SLC22A25: variants seen among roughly 807,000 people sequenced by gnomAD.
SLC22A25 encodes the protein MGI:2442751, MGI:2385316, MGI:3042283, MGI:3645714, MGI:3605624, MGI:2442750.
A neutral mutation model predicts 45.9 loss-of-function variants in SLC22A25; 44 were observed. The ratio of observed to expected loss-of-function variants is 0.96; its 90% CI spans 0.75 to 1.23. The LOEUF is 1.23. Ranked by LOEUF, SLC22A25 falls within the 50% of genes most tolerant of loss-of-function variation. The pLI is 0.00. For synonymous variants in SLC22A25, 283 were observed against 238.6 expected (o/e 1.19, Z -1.72); for missense variants, 800 against 666.4 (o/e 1.20, Z -2.21).
intron 11 of SLC22A25, 33 bp from the exon 12 acceptor site, chr11:63,164,106 G>A: frequency 6.5e-7 from 1 of 1,535,960 alleles, no homozygotes; most frequent in Non-Finnish European, 8.7e-7. Flanking sequence ...AGGAAAAGTT[G>A]TTAAAAATCA....
intron 1 of SLC22A25, among the ~76,000 whole-genome samples, chr11:63,242,503 C>T (rs2090265918): frequency 6.6e-6 from 1 of 152,132 alleles, no homozygotes; most frequent in African/African-American, 2.4e-5. Flanking sequence ...CTTGGCATGC[C>T]TTTTTAGGTC....
At chr11:63,187,994 G>T (rs1161698674) in intron 7 of SLC22A25, among the ~76,000 whole-genome samples, 1 of 152,154 alleles carries the variant, frequency 6.6e-6, no homozygotes, top group Non-Finnish European at 1.5e-5. Context: ...AGGGATATTG[G>T]TCTAAAATTC....
intron 7 of SLC22A25, among the ~76,000 whole-genome samples, chr11:63,202,320 AG>A (rs993805593): frequency 7.9e-5 from 12 of 151,912 alleles, no homozygotes; most frequent in Non-Finnish European, 1.3e-4. Context: ...TCCCCTGTAA[AG>A]GGGGCACTGA....
At chr11:63,209,719 C>T (rs925160418) in intron 7 of SLC22A25, among the ~76,000 whole-genome samples, 4 of 152,268 alleles carry the variant, frequency 2.6e-5, no homozygotes, top group African/African-American at 9.6e-5. Context: ...AAACAGCACA[C>T]CCCTTCCTAT....
At chr11:63,211,204 C>A (rs1477624670) in intron 7 of SLC22A25, among the ~76,000 whole-genome samples, 1 of 152,232 alleles carries the variant, frequency 6.6e-6, no homozygotes. Context: ...TCCGTCAATA[C>A]CCACTACCTA....
At chr11:63,237,670 C>T (rs1336218356) in intron 3 of SLC22A25, among the ~76,000 whole-genome samples, 2 of 152,168 alleles carry the variant, frequency 1.3e-5, no homozygotes, top group Non-Finnish European at 2.9e-5. Flanking sequence ...CACCAGATTT[C>T]CAAACCCTGA....
intron 9 of SLC22A25, among the ~76,000 whole-genome samples, chr11:63,179,367 C>T (rs1446787150): frequency 6.6e-6 from 1 of 152,118 alleles, no homozygotes; most frequent in South Asian, 2.1e-4. Context: ...GGTATCTATA[C>T]ATTTGAAGAA....
Position 63,169,985 on chromosome 11 carries a change from C to A in SLC22A25, c.1071-3727G>T, listed in dbSNP as rs1292746396. 3.3e-5 allele frequency among the ~76,000 whole-genome samples: 5 copies of A among 152,200 alleles called. No individual in the cohort carries two copies. In the South Asian group the frequency reaches 6.2e-4, roughly 19 times the overall value. On this transcript the variant is annotated intron_variant, in intron 9 of 11. Coordinates refer to ENST00000306494, the MANE Select transcript of SLC22A25 (RefSeq NM_199352.6). ...CAAGTCTCTCAGACCACAGTGCAATCAAATTAGAACTCAGGATTAAGAAAC... is the reference window on the plus strand; with the variant it reads ...CAAGTCTCTCAGACCACAGTGCAATAAAATTAGAACTCAGGATTAAGAAAC...
chr11:63,213,378 G>A (rs954806973), intron 7 of SLC22A25, among the ~76,000 whole-genome samples: 7 of 152,178 alleles, frequency 4.6e-5, no homozygotes, highest in African/African-American at 1.7e-4. Context: ...GAATGGCAGT[G>A]GGAGTCTTAA....
At chr11:63,210,131 T>G (rs56030503) in intron 7 of SLC22A25, among the ~76,000 whole-genome samples, 60,979 of 151,818 alleles carry the variant, frequency 0.4, 12,565 homozygotes, top group East Asian at 0.56. Flanking sequence ...TTCCAGAGGC[T>G]CCTGAAAACC....
At chr11:63,185,368 A>T (rs995939378) in intron 7 of SLC22A25, among the ~76,000 whole-genome samples, 1 of 151,354 alleles carries the variant, frequency 6.6e-6, no homozygotes, top group Non-Finnish European at 1.5e-5. Context: ...ATTCCCACCT[A>T]TGAGTGAGAA....
intron 7 of SLC22A25, among the ~76,000 whole-genome samples, chr11:63,201,851 G>A (rs1389684675): frequency 6.6e-6 from 1 of 152,118 alleles, no homozygotes; most frequent in African/African-American, 2.4e-5. Context: ...AGGGGTGGCT[G>A]GCAAGATGGC....
rs2087556264 is a variant in SLC22A25, at chr11:63,162,736, A to G, written c.*1088T>C. Among the ~76,000 whole-genome samples the G allele has an allele frequency of 6.6e-6, 1 of 152,196 alleles. No homozygotes were observed. ...GATTTTCTTCAAACTTCTTATGATTATTTGTAGATATTTTATATTTAACCA... is the reference window on the plus strand; with the variant it reads ...GATTTTCTTCAAACTTCTTATGATTGTTTGTAGATATTTTATATTTAACCA... On this transcript the variant is annotated 3_prime_UTR_variant, in exon 12 of 12. Transcript: ENST00000306494.
chr11:63,227,350 G>A (rs981243576), intron 5 of SLC22A25, among the ~76,000 whole-genome samples: 33 of 152,204 alleles, frequency 2.2e-4, no homozygotes, highest in African/African-American at 7.5e-4. Context: ...GGGATATTTA[G>A]TTAGCAGGTA....
chr11:63,166,610 A>G, intron 9 of SLC22A25: 1 of 1,026,526 alleles, frequency 9.7e-7, no homozygotes, highest in Non-Finnish European at 1.2e-6. Context: ...ATATACAATT[A>G]AAAATAAAAA....
chr11:63,188,188 G>A (rs181098288), intron 7 of SLC22A25, among the ~76,000 whole-genome samples: 21 of 152,184 alleles, frequency 1.4e-4, no homozygotes, highest in Admixed American at 9.8e-4. Context: ...ACTTTTTTTG[G>A]TTGGTAAGCT....
chr11:63,232,442 A>G lies in SLC22A25; in HGVS notation c.-444-2346T>C, dbSNP rs368384722. On this transcript the variant is annotated intron_variant, in intron 3 of 11. Coordinates refer to ENST00000306494, the MANE Select transcript of SLC22A25 (RefSeq NM_199352.6). Reference sequence around the variant, plus strand: ...TGATTCGGCTCTCTGTTTGTCTGCTATTGGTGTATAAGAATGCTTGTGATT... The same window carrying G: ...TGATTCGGCTCTCTGTTTGTCTGCTGTTGGTGTATAAGAATGCTTGTGATT... Among the ~76,000 whole-genome samples, 67 of 152,224 alleles carry G rather than the reference A, an allele frequency of 4.4e-4. 3 individuals are homozygous for G. The highest frequency in any genetic ancestry group is 2.3e-3 in the East Asian group (12 of 5,184).
At chr11:63,236,466 T>C (rs12577849) in intron 3 of SLC22A25, among the ~76,000 whole-genome samples, 52,637 of 152,126 alleles carry the variant, frequency 0.35, 9,457 homozygotes, top group East Asian at 0.56. Context: ...AATCTCCTGG[T>C]GTGCCGTTTG....
At chr11:63,164,716 G>T in intron 10 of SLC22A25, 82 bp from the exon 11 acceptor site, 1 of 1,128,112 alleles carries the variant, frequency 8.9e-7, no homozygotes, top group Non-Finnish European at 1.3e-6. Flanking sequence ...GAAAAGGACT[G>T]CTTTGGAGGT....
Sources: gnomAD v4.1 joint callset for allele counts (sites outside exome capture counted in the v4.1 genomes callset) on GRCh38, gnomAD v4.1.1 for gene constraint, MANE v1.5 for transcripts, NCBI Gene and HGNC (gene_info 2026-07-23, HGNC 2026-07-21) for gene names.